The following CFAP20DC variants were observed in gnomAD, a reference collection of about 807,000 sequenced individuals.
CFAP20DC encodes the protein protein CFAP20DC.
CFAP20DC carries 84 observed loss-of-function variants against 101.7 expected under a neutral mutation model. The observed-to-expected ratio is 0.83, with a 90% CI of 0.69 to 0.99. The LOEUF is 0.99. Ranked by LOEUF, CFAP20DC falls within the 50% of genes least tolerant of loss-of-function variation. The pLI is 0.00. For missense variants in CFAP20DC, 1,007 were observed against 970.3 expected, an observed-to-expected ratio of 1.04 and a Z score of -0.50; for synonymous variants, 359 against 351.2, an observed-to-expected ratio of 1.02 and a Z score of -0.25.
chr3:58,746,123 C>A (rs1368257990), intron 16 of CFAP20DC, among the ~76,000 whole-genome samples: 1 of 152,032 alleles, frequency 6.6e-6, no homozygotes, highest in East Asian at 1.9e-4. Context: ...TTGAAAGAAA[C>A]AGAAAGACCC....
chr3:58,782,353 T>C (rs904593874), intron 15 of CFAP20DC, among the ~76,000 whole-genome samples: 2 of 152,040 alleles, frequency 1.3e-5, no homozygotes, highest in African/African-American at 4.8e-5. Context: ...GCTGGAAGCC[T>C]TTCCCCTAAG....
intron 15 of CFAP20DC, among the ~76,000 whole-genome samples, chr3:58,798,329 T>C (rs952832526): frequency 2.0e-5 from 3 of 152,140 alleles, no homozygotes; most frequent in Non-Finnish European, 2.9e-5. Flanking sequence ...CCAACCATCA[T>C]GGATGACTTT....
At chr3:58,950,408 T>G (rs1234816684) in intron 4 of CFAP20DC, among the ~76,000 whole-genome samples, 1 of 152,142 alleles carries the variant, frequency 6.6e-6, no homozygotes, top group African/African-American at 2.4e-5. Flanking sequence ...TGGAAAAAAC[T>G]ACTTTAAAGT....
chr3:58,906,815 C>T (rs1031095846), intron 6 of CFAP20DC, among the ~76,000 whole-genome samples: 1 of 152,064 alleles, frequency 6.6e-6, no homozygotes, highest in African/African-American at 2.4e-5. Flanking sequence ...GTAGTCCCAG[C>T]TCATCAGGAG....
intron 4 of CFAP20DC, among the ~76,000 whole-genome samples, chr3:59,021,983 G>C (rs2093811431): frequency 6.6e-6 from 1 of 151,952 alleles, no homozygotes; most frequent in Non-Finnish European, 1.5e-5. Flanking sequence ...ATTAAAATAA[G>C]TTGCTTTGTT....
chr3:58,982,634 A>T (rs936242045), intron 4 of CFAP20DC, among the ~76,000 whole-genome samples: 1 of 146,418 alleles, frequency 6.8e-6, no homozygotes, highest in Admixed American at 7.0e-5. Flanking sequence ...GCATGTTCTC[A>T]CTCATAGGCG....
intron 15 of CFAP20DC, chr3:58,794,293 A>G: frequency 2.2e-6 from 1 of 451,222 alleles, no homozygotes; most frequent in Non-Finnish European, 4.5e-6. Flanking sequence ...ACCAAATTGC[A>G]TCTGATTTGT....
chr3:58,930,512 C>A (rs1324549051), intron 5 of CFAP20DC, among the ~76,000 whole-genome samples: 1 of 152,078 alleles, frequency 6.6e-6, no homozygotes, highest in Non-Finnish European at 1.5e-5. Context: ...CTCTGGATCC[C>A]AGAATAAAAA....
chr3:59,009,628 T>C (rs1377148298), intron 4 of CFAP20DC, among the ~76,000 whole-genome samples: 3 of 152,076 alleles, frequency 2.0e-5, no homozygotes, highest in African/African-American at 7.2e-5. Context: ...AAGAGAAATA[T>C]ACACATTTGG....
chr3:58,810,169 T>C (rs570751509), intron 14 of CFAP20DC, among the ~76,000 whole-genome samples: 56 of 152,010 alleles, frequency 3.7e-4, no homozygotes, highest in East Asian at 3.3e-3. Context: ...TTCCAATCAA[T>C]AGAAAAAGAG....
At chr3:58,951,736 A>G (rs528250777) in intron 4 of CFAP20DC, among the ~76,000 whole-genome samples, 2 of 152,074 alleles carry the variant, frequency 1.3e-5, no homozygotes, top group South Asian at 2.1e-4. Context: ...GAAGGGGAAC[A>G]TCACACACCG....
At chr3:58,717,342 G>T, downstream of CFAP20DC, 1 of 235,212 alleles carries the variant, frequency 4.3e-6, no homozygotes, top group Non-Finnish European at 8.6e-6. The surrounding 1 kb of genome is among the most constrained non-coding windows in gnomAD (Gnocchi z 4.1). Context: ...CACTCACAAA[G>T]CAGGGGAATG....
At chr3:58,791,233 T>A (rs1048454250) in intron 15 of CFAP20DC, among the ~76,000 whole-genome samples, 10 of 152,164 alleles carry the variant, frequency 6.6e-5, no homozygotes, top group African/African-American at 1.9e-4. Flanking sequence ...ACTATTAATA[T>A]CCCTACCAAT....
rs751215699 is a variant in CFAP20DC at position 58,916,291 on chromosome 3, G to T, written c.394-2427C>A. On this transcript the variant is annotated intron_variant, in intron 5 of 16. Transcript: ENST00000482387. ...GCTGGGGATTTCTTCTCAGGATCCT[G>T]CCCCTTTATTACCTGTTTAGACCAT... Among the ~76,000 whole-genome samples the T allele has an allele frequency of 5.3e-5, 8 of 151,942 alleles. No homozygotes were observed. The South Asian group carries it at 1.0e-3, about 20-fold the overall frequency.
At chr3:58,953,161 G>C (rs2090306154) in intron 4 of CFAP20DC, among the ~76,000 whole-genome samples, 1 of 152,166 alleles carries the variant, frequency 6.6e-6, no homozygotes, top group Non-Finnish European at 1.5e-5. Context: ...CGAAGTAGAG[G>C]TAGGAACCAT....
chr3:59,035,429 AATAG>A (rs1179677940), intron 4 of CFAP20DC, among the ~76,000 whole-genome samples: 10 of 152,162 alleles, frequency 6.6e-5, no homozygotes, highest in Non-Finnish European at 1.3e-4. Context: ...AGATTAACAA[AATAG>A]ATAGACCACT....
At chr3:58,846,775 C>G (rs1439544097) in intron 13 of CFAP20DC, among the ~76,000 whole-genome samples, 2 of 146,128 alleles carry the variant, frequency 1.4e-5, no homozygotes, top group African/African-American at 2.5e-5. Context: ...TACTACAAGG[C>G]TACAGTAACC....
At position 58,717,684 on chromosome 3, in the gene CFAP20DC, C is replaced by T; in HGVS notation, c.198-56G>A. ...AAAAAAAAAAGAAAAAAGGTACATG[C>T]CTTTTATTCTGGGTCTGTCCATTGT... On this transcript the variant is annotated intron_variant, in intron 3 of 3. Coordinates refer to the CFAP20DC transcript ENST00000486145. This position sits in a 1 kb window ranked among gnomAD's most constrained non-coding sequence, Gnocchi z 4.1. 2.4e-6 allele frequency: 1 copy of T among 423,220 alleles called. No individual in the cohort carries two copies. Among genetic ancestry groups the T allele is most frequent in the Admixed American group, 3.0e-5 (1 of 33,752 alleles). The allele number at this position is 423,220 out of a possible 1,614,324, so 26.2% of individuals were successfully genotyped here.
rs1032549482 is a variant in CFAP20DC at position 58,914,687 on chromosome 3, T to C, written c.394-823A>G. Among the ~76,000 whole-genome samples, 1 of 148,674 alleles carries C rather than the reference T, an allele frequency of 6.7e-6. No individual in the cohort carries two copies. Among genetic ancestry groups the C allele is most frequent in the Non-Finnish European group, 1.5e-5 (1 of 67,354 alleles). On this transcript the variant is annotated intron_variant, in intron 5 of 16. Coordinates refer to ENST00000482387, the MANE Select transcript of CFAP20DC (RefSeq NM_001394063.1). This position sits in a 1 kb window ranked among gnomAD's most constrained non-coding sequence, Gnocchi z 4.9. ...GGTCCTGTATATATAAATATATATA[T>C]ATATATTTTTTTTCTTTTTTTTAAA...
Sources: allele counts gnomAD v4.1 joint callset (sites outside exome capture counted in the v4.1 genomes callset), GRCh38; gene constraint gnomAD v4.1.1; non-coding constraint Gnocchi (gnomAD v3.1); transcripts MANE v1.5; gene names NCBI Gene and HGNC (gene_info 2026-07-23, HGNC 2026-07-21).